The following SLC4A4 variants were observed in gnomAD, a reference collection of about 807,000 sequenced individuals.
SLC4A4 encodes solute carrier family 4 member 4.
A neutral mutation model predicts 111.5 loss-of-function variants in SLC4A4; 27 were observed. That is an observed-to-expected ratio of 0.24 (90% CI 0.18 to 0.33). The LOEUF (loss-of-function observed/expected upper bound fraction) is 0.33. SLC4A4 is among the 10% of genes least tolerant of loss of function. The pLI is 1.00. For missense variants in SLC4A4, 909 were observed against 1,315.5 expected, an observed-to-expected ratio of 0.69 and a Z score of 4.78; for synonymous variants, 443 against 463.4, an observed-to-expected ratio of 0.96 and a Z score of 0.57.
chr4:71,179,723 C>T (rs1048840134), intron 2 of SLC4A4, among the ~76,000 whole-genome samples: 1 of 152,160 alleles, frequency 6.6e-6, no homozygotes, highest in Non-Finnish European at 1.5e-5. Flanking sequence ...AATGGAAGAA[C>T]ATTCCATGCT....
At chr4:71,114,963 T>TAAGAA in intron 2 of SLC4A4, among the ~76,000 whole-genome samples, 1 of 122,368 alleles carries the variant, frequency 8.2e-6, no homozygotes, top group East Asian at 2.2e-4. Context: ...TAGACTGGAT[T>TAAGAA]AAGAAAATGT....
At chr4:71,360,135 C>T (rs979762549) in intron 6 of SLC4A4, among the ~76,000 whole-genome samples, 9 of 152,070 alleles carry the variant, frequency 5.9e-5, no homozygotes, top group South Asian at 4.2e-4. Flanking sequence ...TTGCTTTCTG[C>T]CTGTTTCACT....
intron 16 of SLC4A4, among the ~76,000 whole-genome samples, chr4:71,513,669 T>C (rs1413058938): frequency 1.3e-5 from 2 of 152,232 alleles, no homozygotes; most frequent in African/African-American, 2.4e-5. Flanking sequence ...CTGTGTTGAA[T>C]AGGAGTTGTG....
chr4:71,131,216 A>G (rs1743693011), intron 2 of SLC4A4, among the ~76,000 whole-genome samples: 1 of 152,168 alleles, frequency 6.6e-6, no homozygotes, highest in Non-Finnish European at 1.5e-5. Context: ...AATTGACAGA[A>G]AAAGCAACTG....
At chr4:71,361,090 C>T (rs1425238233) in intron 6 of SLC4A4, among the ~76,000 whole-genome samples, 2 of 152,206 alleles carry the variant, frequency 1.3e-5, no homozygotes, top group Non-Finnish European at 2.9e-5. Context: ...CCAGTGCGCA[C>T]TCCTCCCAGT....
intron 6 of SLC4A4, among the ~76,000 whole-genome samples, chr4:71,364,589 C>A (rs1404896613): frequency 6.6e-6 from 1 of 152,142 alleles, no homozygotes; most frequent in Non-Finnish European, 1.5e-5. Flanking sequence ...GTGGAAGGGG[C>A]AAACATTCCT....
chr4:71,206,112 G>A (rs1205949815), intron 1 of SLC4A4, among the ~76,000 whole-genome samples: 1 of 152,090 alleles, frequency 6.6e-6, no homozygotes, highest in East Asian at 1.9e-4. Context: ...TTATTTTCCT[G>A]TAAGTTTGTA....
At chr4:71,123,637 C>T (rs1358533217) in intron 2 of SLC4A4, among the ~76,000 whole-genome samples, 1 of 152,172 alleles carries the variant, frequency 6.6e-6, no homozygotes, top group East Asian at 1.9e-4. Flanking sequence ...ATGTAAAAAA[C>T]AAAAAGCTTC....
At chr4:71,199,567 T>C (rs892012278) in intron 1 of SLC4A4, among the ~76,000 whole-genome samples, 6 of 152,220 alleles carry the variant, frequency 3.9e-5, no homozygotes, top group Admixed American at 2.6e-4. Flanking sequence ...GTGCCATGTA[T>C]TCCTGTTTGG....
chr4:71,205,253 G>A (rs1051357546), intron 1 of SLC4A4, among the ~76,000 whole-genome samples: 1 of 152,160 alleles, frequency 6.6e-6, no homozygotes, highest in African/African-American at 2.4e-5. Flanking sequence ...ACCTTACTTT[G>A]AGAGCAGTCA....
chr4:71,228,789 G>A (rs1053083674), intron 1 of SLC4A4, among the ~76,000 whole-genome samples: 1 of 152,132 alleles, frequency 6.6e-6, no homozygotes, highest in Admixed American at 6.5e-5. Flanking sequence ...AGAGGTTACT[G>A]GTGCAGAAAA....
intron 16 of SLC4A4, among the ~76,000 whole-genome samples, 176 bp from the exon 17 acceptor site, chr4:71,531,886 T>C (rs753905839): frequency 4.0e-4 from 60 of 151,620 alleles, no homozygotes; most frequent in Admixed American, 1.1e-3. Flanking sequence ...GGTGATGTAC[T>C]AATACAAAAA....
At chr4:71,361,335 T>A (rs144871214) in intron 6 of SLC4A4, among the ~76,000 whole-genome samples, 68 of 152,326 alleles carry the variant, frequency 4.5e-4, no homozygotes, top group African/African-American at 1.6e-3. Context: ...CTGGTATGGC[T>A]TGGGGTTCAA....
intron 16 of SLC4A4, among the ~76,000 whole-genome samples, chr4:71,522,774 A>T (rs781299698): frequency 6.6e-6 from 1 of 152,206 alleles, no homozygotes; most frequent in Non-Finnish European, 1.5e-5. Context: ...AATAAACAAA[A>T]TCACTAAATT....
chr4:71,155,639 GT>G (rs1212443165), intron 2 of SLC4A4, among the ~76,000 whole-genome samples: 1 of 151,768 alleles, frequency 6.6e-6, no homozygotes, highest in Non-Finnish European at 1.5e-5. Flanking sequence ...TATTATTTTT[GT>G]TTTTTTAGAG....
At chr4:71,287,678 C>G (rs1451913615) in intron 3 of SLC4A4, among the ~76,000 whole-genome samples, 4 of 152,150 alleles carry the variant, frequency 2.6e-5, no homozygotes, top group Admixed American at 2.6e-4. Context: ...CTCATTGATG[C>G]TGTATTTACT....
rs529218366 is a variant in SLC4A4 at position 71,571,227 on chromosome 4, T to C, written c.*3476T>C. ...AATAATTTGAGTTGTATTACAGAGGTTGACATTGTTCAGGGATGGGACAAA... is the reference window on the plus strand; with the variant it reads ...AATAATTTGAGTTGTATTACAGAGGCTGACATTGTTCAGGGATGGGACAAA... On this transcript the variant is annotated 3_prime_UTR_variant, in exon 26 of 26. Transcript: ENST00000264485. The C allele has an allele frequency of 6.6e-6, 1 of 152,284 alleles. No individual in the cohort carries two copies. Among genetic ancestry groups the C allele is most frequent in the Non-Finnish European group, 1.5e-5 (1 of 67,886 alleles). 9.4% of individuals were successfully genotyped at this position (152,284 alleles called of 1,614,324 possible).
chr4:71,330,212 A>G (rs937829293), intron 3 of SLC4A4, among the ~76,000 whole-genome samples: 1 of 152,138 alleles, frequency 6.6e-6, no homozygotes, highest in Admixed American at 6.6e-5. Context: ...TTGGTTTGCT[A>G]GTATTTTGTT....
chr4:71,560,311 T>C, intron 23 of SLC4A4, 57 bp downstream of exon 23: 1 of 1,541,504 alleles, frequency 6.5e-7, no homozygotes, highest in South Asian at 1.2e-5. Context: ...ATGTGAAAAT[T>C]GTCCCTTTTT....
Sources: allele counts gnomAD v4.1 joint callset (sites outside exome capture counted in the v4.1 genomes callset), GRCh38; gene constraint gnomAD v4.1.1; transcripts MANE v1.5; gene names NCBI Gene and HGNC (gene_info 2026-07-23, HGNC 2026-07-21).